COL14A1: variants seen among roughly 807,000 people sequenced by gnomAD.
COL14A1 encodes the protein collagen alpha-1(XIV) chain.
Under a neutral mutation model 230.3 loss-of-function variants are expected in COL14A1, and 136 were observed. The ratio of observed to expected loss-of-function variants is 0.59; its 90% CI spans 0.51 to 0.68. The LOEUF is 0.68. Among genes scored for constraint, COL14A1 ranks in the 30% least tolerant of loss-of-function variants. The pLI, the probability that COL14A1 is intolerant of heterozygous loss-of-function variation, is 0.00. For synonymous variants in COL14A1, 792 were observed against 784.1 expected, an observed-to-expected ratio of 1.01 and a Z score of -0.17; for missense variants, 1,976 against 2,215.8, an observed-to-expected ratio of 0.89 and a Z score of 2.17.
At chr8:120,342,172 C>T (rs773077456) in intron 43 of COL14A1, among the ~76,000 whole-genome samples, 1 of 152,140 alleles carries the variant, frequency 6.6e-6, no homozygotes, top group Non-Finnish European at 1.5e-5. Flanking sequence ...GCTTGTTAAT[C>T]TAATAAGGAC....
chr8:120,270,075 T>C lies in COL14A1; in HGVS notation c.3114T>C (p.Asp1038=), dbSNP rs779782477. The change falls in exon 26 of 48, where the codon GAT becomes GAC. Residue 1038 remains aspartate (D), a synonymous_variant. Transcript: ENST00000297848. ...AAKADLVFMV[D]GSWSIGDENF... ...AGGCTGACCTGGTATTTATGGTGGA[T>C]GGATCCTGGAGCATTGGAGATGAAA... 17 of 1,611,574 alleles carry C rather than the reference T, an allele frequency of 1.1e-5. No homozygotes were observed. The Admixed American group carries it at 2.7e-4, about 25-fold the overall frequency.
intron 34 of COL14A1, among the ~76,000 whole-genome samples, chr8:120,294,061 C>G (rs1488400985): frequency 6.6e-6 from 1 of 151,780 alleles, no homozygotes; most frequent in Non-Finnish European, 1.5e-5. Flanking sequence ...CCTCTGTACT[C>G]TTTCACCAGT....
At chr8:120,279,176 A>G (rs1819955448) in intron 28 of COL14A1, among the ~76,000 whole-genome samples, 1 of 152,040 alleles carries the variant, frequency 6.6e-6, no homozygotes, top group Non-Finnish European at 1.5e-5. Context: ...GAGGGAGAGC[A>G]TTAAGACAAA....
intron 8 of COL14A1, among the ~76,000 whole-genome samples, chr8:120,201,234 A>G (rs1243175562): frequency 6.6e-6 from 1 of 152,094 alleles, no homozygotes; most frequent in Non-Finnish European, 1.5e-5. Context: ...AAAATGTATT[A>G]TGTTTGAACT....
At chr8:120,217,603 C>T (rs932927140) in intron 14 of COL14A1, among the ~76,000 whole-genome samples, 2 of 152,164 alleles carry the variant, frequency 1.3e-5, no homozygotes, top group African/African-American at 2.4e-5. Context: ...GCAGTAAGTA[C>T]ACATTTGCTA....
At chr8:120,186,236 A>G (rs1249261969) in intron 5 of COL14A1, among the ~76,000 whole-genome samples, 1 of 152,228 alleles carries the variant, frequency 6.6e-6, no homozygotes, top group Non-Finnish European at 1.5e-5. Context: ...AAATATCTTC[A>G]GTAGTGTGGC....
rs200643027 is a variant in COL14A1 at position 120,168,188 on chromosome 8, C to A, written c.377C>A (p.Pro126Gln). Residue 126 changes from proline to glutamine, a missense_variant, in exon 5 of 48, where the codon CCA becomes CAA. By Grantham distance (76) the Pro-to-Gln change is moderately conservative (BLOSUM62 -1). Around this residue, in one of 3 missense-constraint regions of COL14A1, gnomAD observed 181 missense variants for 178.6 expected, o/e 1.01. Transcript: ENST00000297848. Reference sequence around the variant, plus strand: ...AAAGATTTAGAAAAAAGAAAGGATCCAAAGCCCAGAGTCAAAGTTGTGGAC... The same window carrying A: ...AAAGATTTAGAAAAAAGAAAGGATCAAAAGCCCAGAGTCAAAGTTGTGGAC... ...RIKDLEKRKDPKPRVKVVDRG... is the reference protein window; with the variant it reads ...RIKDLEKRKDQKPRVKVVDRG... 1 of 1,612,306 alleles carries A rather than the reference C, an allele frequency of 6.2e-7. No individual in the cohort carries two copies. Among genetic ancestry groups the A allele is most frequent in the Non-Finnish European group, 8.5e-7 (1 of 1,178,940 alleles).
At chr8:120,246,922 C>T (rs1159424375) in intron 20 of COL14A1, among the ~76,000 whole-genome samples, 1 of 152,144 alleles carries the variant, frequency 6.6e-6, no homozygotes. Flanking sequence ...GAATAATCAC[C>T]ATTAACATTC....
intron 21 of COL14A1, among the ~76,000 whole-genome samples, chr8:120,248,954 C>G (rs1818849727): frequency 9.6e-6 from 1 of 103,630 alleles, no homozygotes; most frequent in Non-Finnish European, 1.7e-5. Flanking sequence ...GAGACGGAGT[C>G]TCGCTCTGTC....
In COL14A1 at chr8:120,346,576, A is replaced by G. The variant is rs897696021; in HGVS notation, c.5077+1013A>G. 2.0e-5 allele frequency among the ~76,000 whole-genome samples: 3 copies of G among 152,216 alleles called. 1 individual carries two copies. The highest frequency in any genetic ancestry group is 4.4e-5 in the Non-Finnish European group (3 of 68,040). On this transcript the variant is annotated intron_variant, in intron 45 of 47. Coordinates refer to ENST00000297848, the MANE Select transcript of COL14A1 (RefSeq NM_021110.4). ...CATATTTATTTTGACTCATGCTAAC[A>G]GGCCTTGTGTATTTCTGCCTCTGCA...
chr8:120,330,825 G>A (rs543009364), intron 40 of COL14A1, among the ~76,000 whole-genome samples: 35 of 152,298 alleles, frequency 2.3e-4, no homozygotes, highest in African/African-American at 8.4e-4. Flanking sequence ...TGGATTTTCT[G>A]TCGGGTGTGG....
Position 120,369,471 on chromosome 8 carries a change from C to T in COL14A1, c.5297C>T (p.Ala1766Val). 1.9e-6 allele frequency: 3 copies of T among 1,592,056 alleles called. No individual in the cohort carries two copies. The highest frequency in any genetic ancestry group is 2.6e-6 in the Non-Finnish European group (3 of 1,168,594). Residue 1766 changes from alanine (A) to valine (V), a missense_variant, in exon 47 of 48, where the codon GCC (alanine) becomes GTC (valine). Around this residue, in one of 3 missense-constraint regions of COL14A1, gnomAD observed 1,791 missense variants for 2,019.5 expected, o/e 0.89. Transcript: ENST00000297848. ...TATTGTGACCCCTCATCATGTTCTG[C>T]CTATGGTGTGAGAGGTAAGTGTCAC... ...PGYCDPSSCS[A>V]YGVRAPHPDQ...
chr8:120,325,505 G>C (rs1010429748), intron 40 of COL14A1, among the ~76,000 whole-genome samples: 20 of 117,722 alleles, frequency 1.7e-4, no homozygotes, highest in Non-Finnish European at 3.4e-4. Context: ...TTGTTTGTTT[G>C]TTTTTGAGAC....
intron 4 of COL14A1, among the ~76,000 whole-genome samples, chr8:120,164,781 A>G (rs970324238): frequency 6.6e-6 from 1 of 152,158 alleles, no homozygotes; most frequent in South Asian, 2.1e-4. Context: ...CTGGCCTCCA[A>G]CATTCCTGCA....
chr8:120,369,387 G>A lies in COL14A1; in HGVS notation c.5213G>A (p.Arg1738Lys). ...SPGPPGSPGP[R>K]GPPGHLGVPG... ...GGGCCCCCTGGCTCTCCTGGACCAA[G>A]AGGCCCACCAGGTCATCTGGGGGTT... The change falls in exon 47 of 48, where the codon AGA becomes AAA. Residue 1738 changes from arginine to lysine, a missense_variant. Coordinates refer to ENST00000297848, the MANE Select transcript of COL14A1 (RefSeq NM_021110.4). 6.2e-7 allele frequency: 1 copy of A among 1,609,286 alleles called. No individual in the cohort carries two copies. The highest frequency in any genetic ancestry group is 8.5e-7 in the Non-Finnish European group (1 of 1,177,904).
At chr8:120,154,705 A>T (rs919347605) in intron 2 of COL14A1, among the ~76,000 whole-genome samples, 2 of 152,154 alleles carry the variant, frequency 1.3e-5, no homozygotes, top group Non-Finnish European at 2.9e-5. Flanking sequence ...TTTTTAAAAG[A>T]TTAGGATTTG....
At chr8:120,193,451 C>T (rs1412044008) in intron 5 of COL14A1, among the ~76,000 whole-genome samples, 1 of 152,176 alleles carries the variant, frequency 6.6e-6, no homozygotes, top group Admixed American at 6.5e-5. Flanking sequence ...TGTCAGTCTG[C>T]CCCTACTGGG....
intron 20 of COL14A1, among the ~76,000 whole-genome samples, chr8:120,245,106 A>G (rs1345388039): frequency 6.6e-6 from 1 of 152,170 alleles, no homozygotes; most frequent in Non-Finnish European, 1.5e-5. Flanking sequence ...TTTGCATGTA[A>G]GAGTTTTTCT....
At chr8:120,346,240 G>T (rs961945102) in intron 45 of COL14A1, among the ~76,000 whole-genome samples, 3 of 152,028 alleles carry the variant, frequency 2.0e-5, no homozygotes, top group Non-Finnish European at 4.4e-5. Context: ...CACATCTACA[G>T]GTCTTAGAAG....
Sources: allele counts gnomAD v4.1 joint callset (sites outside exome capture counted in the v4.1 genomes callset), GRCh38; gene constraint gnomAD v4.1.1; regional missense constraint gnomAD v4.1.1; transcripts MANE v1.5; gene names NCBI Gene and HGNC (gene_info 2026-07-23, HGNC 2026-07-21).